The following PLPPR1 variants were observed in gnomAD, a reference collection of about 807,000 sequenced individuals.
PLPPR1 encodes phospholipid phosphatase related 1.
In PLPPR1, 10 loss-of-function variants were observed where a neutral mutation model predicts 33.1. That is an observed-to-expected ratio of 0.30 (90% CI 0.19 to 0.51). The LOEUF is 0.51. Ranked by LOEUF, PLPPR1 falls within the 20% of genes least tolerant of loss-of-function variation. The pLI, the probability that PLPPR1 is intolerant of heterozygous loss-of-function variation, is 0.97. For missense variants in PLPPR1, 304 were observed against 408.1 expected, an observed-to-expected ratio of 0.74 and a Z score of 2.20; for synonymous variants, 151 against 151.0, an observed-to-expected ratio of 1.00 and a Z score of 0.00.
intron 1 of PLPPR1, among the ~76,000 whole-genome samples, chr9:101,038,819 C>T (rs1180050613): frequency 6.6e-6 from 1 of 152,118 alleles, no homozygotes; most frequent in Non-Finnish European, 1.5e-5. Context: ...CCCATCCCTG[C>T]CCATATAACC....
intron 1 of PLPPR1, among the ~76,000 whole-genome samples, chr9:101,086,711 A>G (rs1830680820): frequency 6.6e-6 from 1 of 152,150 alleles, no homozygotes; most frequent in South Asian, 2.1e-4. Flanking sequence ...CCTTGGTCAA[A>G]ATCTATATAC....
intron 2 of PLPPR1, among the ~76,000 whole-genome samples, chr9:101,211,292 C>G (rs1826686894): frequency 1.3e-5 from 2 of 152,294 alleles, no homozygotes; most frequent in South Asian, 4.2e-4. Flanking sequence ...ATTTCATACA[C>G]ACCATCATCA....
intron 1 of PLPPR1, among the ~76,000 whole-genome samples, chr9:101,119,411 G>A (rs1219346108): frequency 6.6e-6 from 1 of 152,204 alleles, no homozygotes; most frequent in Admixed American, 6.5e-5. Context: ...TATGGCCAGT[G>A]GAGGGCAGCA....
chr9:101,289,210 A>C (rs1277522779), intron 4 of PLPPR1, among the ~76,000 whole-genome samples: 1 of 151,936 alleles, frequency 6.6e-6, no homozygotes, highest in Non-Finnish European at 1.5e-5. Flanking sequence ...GCCAAACCCT[A>C]CTCATCTTCA....
intron 6 of PLPPR1, among the ~76,000 whole-genome samples, chr9:101,313,578 G>C (rs929484885): frequency 6.6e-6 from 1 of 152,200 alleles, no homozygotes; most frequent in Admixed American, 6.5e-5. Context: ...TCTTCCTGGA[G>C]AAGAGTTTTG....
intron 1 of PLPPR1, among the ~76,000 whole-genome samples, chr9:101,119,052 A>G (rs1163300522): frequency 6.6e-6 from 1 of 152,130 alleles, no homozygotes; most frequent in Non-Finnish European, 1.5e-5. Context: ...TACTAAAATC[A>G]AGCCCCTGGG....
chr9:101,270,337 G>T (rs1315360201), intron 3 of PLPPR1, among the ~76,000 whole-genome samples: 1 of 152,160 alleles, frequency 6.6e-6, no homozygotes, highest in Non-Finnish European at 1.5e-5. Context: ...TAAATCAACA[G>T]GTATGATTGG....
Position 101,286,251 on chromosome 9 carries a change from G to A in PLPPR1, c.385+15G>A. The A allele has an allele frequency of 6.3e-7, 1 of 1,599,902 alleles. No homozygotes were observed. The highest frequency in any genetic ancestry group is 2.2e-5 in the East Asian group (1 of 44,750). On this transcript the variant is annotated intron_variant, in intron 4 of 7. Transcript: ENST00000374874. ...AAGATTCACAGGTGAGTACAAGATG[G>A]TGCTGAACTAAGCTCTCACATAAAA...
intron 1 of PLPPR1, among the ~76,000 whole-genome samples, chr9:101,150,286 T>A (rs1831565373): frequency 6.6e-6 from 1 of 152,160 alleles, no homozygotes; most frequent in Admixed American, 6.6e-5. Context: ...TTCTGTTAAA[T>A]GATCTTAATC....
intron 2 of PLPPR1, among the ~76,000 whole-genome samples, chr9:101,186,892 T>G (rs914270161): frequency 6.6e-6 from 1 of 151,882 alleles, no homozygotes; most frequent in Non-Finnish European, 1.5e-5. Context: ...TAGACTCAAT[T>G]TAAGCTAAAT....
At position 101,146,332 on chromosome 9, in the gene PLPPR1, A is replaced by C. The variant is rs75052992; in HGVS notation, c.-45-39118A>C. Among the ~76,000 whole-genome samples the C allele has an allele frequency of 3.9e-5, 6 of 152,178 alleles. No individual in the cohort carries two copies. In the East Asian group the frequency reaches 1.2e-3, roughly 29 times the overall value. On this transcript the variant is annotated intron_variant, in intron 1 of 7. Transcript: ENST00000374874. ...GAGCCTTCAGAACAGTCTTGAATGA[A>C]AAAGGGGTAATACACTTCATCTCCT...
intron 2 of PLPPR1, among the ~76,000 whole-genome samples, chr9:101,210,851 T>C (rs568082833): frequency 3.3e-5 from 5 of 152,354 alleles, no homozygotes; most frequent in South Asian, 2.1e-4. Flanking sequence ...CACTGCAAGC[T>C]CCGCCTCCTG....
chr9:101,238,305 AGGG>A (rs1827371077), intron 2 of PLPPR1, among the ~76,000 whole-genome samples: 2 of 134,756 alleles, frequency 1.5e-5, no homozygotes, highest in African/African-American at 2.7e-5. Context: ...ATATATATAT[AGGG>A]TATGTATATA....
intron 2 of PLPPR1, among the ~76,000 whole-genome samples, chr9:101,256,486 T>C (rs976424139): frequency 4.6e-5 from 7 of 152,032 alleles, no homozygotes; most frequent in African/African-American, 1.7e-4. Context: ...GTTCAGGGGG[T>C]AAGCAGACAG....
In PLPPR1 at chr9:101,185,528, T is replaced by G. The variant is rs41296085; in HGVS notation, c.34T>G (p.Ser12Ala). Reference sequence around the variant, plus strand: ...AGGAAACAACACTCAACGAAGTTATTCCATCATCCCGTGTTTTATATTTGT... The same window carrying G: ...AGGAAACAACACTCAACGAAGTTATGCCATCATCCCGTGTTTTATATTTGT... ...AVGNNTQRSY[S>A]IIPCFIFVEL... The change falls in exon 2 of 8, where the codon TCC becomes GCC. Residue 12 changes from serine to alanine, a missense_variant. Coordinates refer to ENST00000374874, the MANE Select transcript of PLPPR1 (RefSeq NM_207299.2). The G allele has an allele frequency of 0.014, 22,787 of 1,609,416 alleles. 215 individuals carry two copies. The highest frequency in any genetic ancestry group is 0.017 in the South Asian group (1,576 of 90,734).
At chr9:101,201,324 A>G (rs1005728777) in intron 2 of PLPPR1, among the ~76,000 whole-genome samples, 1 of 152,212 alleles carries the variant, frequency 6.6e-6, no homozygotes, top group African/African-American at 2.4e-5. Flanking sequence ...ATTAGCACCT[A>G]ATAATTGCAA....
chr9:101,218,530 C>T (rs1434218039), intron 2 of PLPPR1, among the ~76,000 whole-genome samples: 1 of 152,110 alleles, frequency 6.6e-6, no homozygotes, highest in East Asian at 1.9e-4. Context: ...TAACACTATA[C>T]TCCCTATCTC....
chr9:101,180,137 TATATATACACAC>T (rs1368454045), intron 1 of PLPPR1, among the ~76,000 whole-genome samples: 24 of 41,322 alleles, frequency 5.8e-4, no homozygotes, highest in African/African-American at 2.6e-3. Flanking sequence ...TATATATATA[TATATATACACAC>T]ACACACACAC....
intron 1 of PLPPR1, among the ~76,000 whole-genome samples, chr9:101,151,642 C>T (rs1385750512): frequency 6.6e-6 from 1 of 152,154 alleles, no homozygotes; most frequent in East Asian, 1.9e-4. Context: ...TGTCACCCTC[C>T]CCTACCATTG....
Sources: allele counts gnomAD v4.1 joint callset (sites outside exome capture counted in the v4.1 genomes callset), GRCh38; gene constraint gnomAD v4.1.1; transcripts MANE v1.5; gene names NCBI Gene and HGNC (gene_info 2026-07-23, HGNC 2026-07-21).